PTGES2: variants seen among roughly 807,000 people sequenced by gnomAD.
The protein encoded by PTGES2 is GATE-binding factor 1.
A neutral mutation model predicts 44.5 loss-of-function variants in PTGES2; 35 were observed. That is an observed-to-expected ratio of 0.79 (90% CI 0.60 to 1.04). The LOEUF (loss-of-function observed/expected upper bound fraction) is 1.04, where lower values mean the gene tolerates loss of function less well. Among genes scored for constraint, PTGES2 ranks in the 50% least tolerant of loss-of-function variants. The pLI, the probability that PTGES2 is intolerant of heterozygous loss-of-function variation, is 0.00. For missense variants in PTGES2, 517 were observed against 521.4 expected (o/e 0.99, Z 0.08); for synonymous variants, 221 against 227.5 (o/e 0.97, Z 0.26).
intron 6 of PTGES2, among the ~76,000 whole-genome samples, 169 bp from the exon 7 acceptor site, chr9:128,121,442 G>T (rs138457444): frequency 6.6e-6 from 1 of 152,292 alleles, no homozygotes; most frequent in East Asian, 1.9e-4. Flanking sequence ...ATGTGGGGTG[G>T]CTGCAGGTCT....
upstream of PTGES2, chr9:128,128,120 G>A (rs1363269807): frequency 2.7e-5 from 10 of 366,338 alleles, no homozygotes; most frequent in Non-Finnish European, 4.3e-5. Context: ...CAGTACAGGC[G>A]CCGCGACTTC....
Position 128,120,799 on chromosome 9 carries a change from T to C in PTGES2, c.*346A>G, listed in dbSNP as rs548360644. 1 of 252,742 alleles carries C rather than the reference T, an allele frequency of 4.0e-6. No homozygotes were observed. The highest frequency in any genetic ancestry group is 5.7e-5 in the Admixed American group (1 of 17,620). 15.7% of individuals were successfully genotyped at this position (252,742 alleles called of 1,614,324 possible). On this transcript the variant is annotated 3_prime_UTR_variant, in exon 7 of 7. Transcript: ENST00000338961. ...AGTGGGAACCAGGGGAACCCAGGGA[T>C]GGGATTCCACTGAAAACAAACCGTC...
chr9:128,123,720 C>T lies in PTGES2; in HGVS notation c.668G>A (p.Gly223Asp), dbSNP rs1834511272. 3 of 1,613,848 alleles carry T rather than the reference C, an allele frequency of 1.9e-6. No individual in the cohort carries two copies. Among genetic ancestry groups the T allele is most frequent in the Non-Finnish European group, 2.5e-6 (3 of 1,179,882 alleles). ...CACTCACGTCCTGGCCTCCTTCCCACCATACACTTGCTGGGCCTCCTTCTC... is the reference window on the plus strand; with the variant it reads ...CACTCACGTCCTGGCCTCCTTCCCATCATACACTTGCTGGGCCTCCTTCTC... ...LNEKEAQQVY[G>D]GKEARTEEMK... is the part of the protein sequence containing the mutation. The change falls in exon 4 of 7, where the codon GGT becomes GAT. Residue 223 changes from glycine to aspartate, a missense_variant. Transcript: ENST00000338961. The surrounding 1 kb of genome is among the most constrained non-coding windows in gnomAD (Gnocchi z 4.4).
chr9:128,122,078 G>A (rs965511658), intron 6 of PTGES2, among the ~76,000 whole-genome samples: 7 of 152,190 alleles, frequency 4.6e-5, no homozygotes, highest in African/African-American at 7.2e-5. Context: ...TGTTGATGGC[G>A]ACAGGTAGAG....
At chr9:128,128,394 GC>G (rs1220768018), upstream of PTGES2, 1 of 455,514 alleles carries the variant, frequency 2.2e-6, no homozygotes, top group African/African-American at 2.0e-5. Flanking sequence ...CCTAGCTGAA[GC>G]CCGGAGCCTC....
Position 128,125,396 on chromosome 9 carries a change from T to G in PTGES2, c.325A>C (p.Thr109Pro). Residue 109 changes from threonine (T) to proline (P), a missense_variant, in exon 2 of 7, where the codon ACG (threonine) becomes CCG (proline). Transcript: ENST00000338961. Reference sequence around the variant, plus strand: ...CGGACCTTGCTGCAGAAGGGACACGTCTTGTACTGGTACAGGGTCAGCTGC... The same window carrying G: ...CGGACCTTGCTGCAGAAGGGACACGGCTTGTACTGGTACAGGGTCAGCTGC... ...RLQLTLYQYKTCPFCSKVRAF... is the reference protein window; with the variant it reads ...RLQLTLYQYKPCPFCSKVRAF... 1 of 1,614,128 alleles carries G rather than the reference T, an allele frequency of 6.2e-7. No homozygotes were observed.
rs143666644 is a variant in PTGES2 at position 128,123,806 on chromosome 9, A to C, written c.582T>G (p.Ala194=). The C allele has an allele frequency of 5.6e-6, 9 of 1,614,092 alleles. No homozygotes were observed. Among genetic ancestry groups the C allele is most frequent in the Non-Finnish European group, 7.6e-6 (9 of 1,180,018 alleles). ...EIITYYPAMK[A]VNEQGKEVTE... ...TCACCTCCTTGCCCTGCTCGTTCAC[A>C]GCCTTCATGGCTGGGTAGTAGGTGA... Residue 194 remains alanine, a synonymous_variant, in exon 4 of 7, where the codon GCT becomes GCG. Transcript: ENST00000338961. The surrounding 1 kb of genome is among the most constrained non-coding windows in gnomAD (Gnocchi z 4.4).
chr9:128,125,373 G>C lies in PTGES2; in HGVS notation c.348C>G (p.Val116=). 1 of 1,614,172 alleles carries C rather than the reference G, an allele frequency of 6.2e-7. No homozygotes were observed. The highest frequency in any genetic ancestry group is 8.5e-7 in the Non-Finnish European group (1 of 1,180,022). The change falls in exon 2 of 7, where the codon GTC becomes GTG. Residue 116 remains valine (V), a synonymous_variant. Coordinates refer to ENST00000338961, the MANE Select transcript of PTGES2 (RefSeq NM_025072.7). ...QYKTCPFCSK[V]RAFLDFHALP... ...GGGCATGGAAGTCGAGGAAGGCTCG[G>C]ACCTTGCTGCAGAAGGGACACGTCT...
rs1024248827 is a variant in PTGES2, at chr9:128,127,547, C to T, written c.171G>A (p.Arg57=). 3.6e-5 allele frequency: 47 copies of T among 1,290,246 alleles called. No individual in the cohort carries two copies. Among genetic ancestry groups the T allele is most frequent in the Non-Finnish European group, 4.1e-5 (42 of 1,019,300 alleles). The allele number at this position is 1,290,246 out of a possible 1,614,324, so 79.9% of individuals were successfully genotyped here. The part of the protein sequence containing the change: ...PVAAARKGSP[R]LLGAAALALG... ...GGGCCAGCGCCGCAGCTCCCAGCAGCCGCGGGCTCCCCTTACGAGCTGCAG... is the reference window on the plus strand; with the variant it reads ...GGGCCAGCGCCGCAGCTCCCAGCAGTCGCGGGCTCCCCTTACGAGCTGCAG... Residue 57 remains arginine (R), a synonymous_variant, in exon 1 of 7, where the codon CGG becomes CGA. Coordinates refer to ENST00000338961, the MANE Select transcript of PTGES2 (RefSeq NM_025072.7).
In PTGES2 at chr9:128,123,060, G is replaced by C. The variant is rs750304994; in HGVS notation, c.761C>G (p.Pro254Arg). 6.2e-7 allele frequency: 1 copy of C among 1,613,398 alleles called. No homozygotes were observed. The highest frequency in any genetic ancestry group is 8.5e-7 in the Non-Finnish European group (1 of 1,180,028). The change falls in exon 5 of 7, where the codon CCC becomes CGC. Residue 254 changes from proline (P) to arginine (R), a missense_variant. Transcript: ENST00000338961. This position sits in a 1 kb window ranked among gnomAD's most constrained non-coding sequence, Gnocchi z 4.4. Reference protein sequence around the residue: ...HLISPNVYRTPTEALASFDYI... With the variant: ...HLISPNVYRTRTEALASFDYI... Reference sequence around the variant, plus strand: ...GTCAAAGGACGCCAGAGCCTCGGTGGGCGTGCGGTACACATTGGGGGAGAT... The same window carrying C: ...GTCAAAGGACGCCAGAGCCTCGGTGCGCGTGCGGTACACATTGGGGGAGAT...
Position 128,123,255 on chromosome 9 carries a change from T to TA in PTGES2, c.687-122_687-121insT, listed in dbSNP as rs1834494260. 1.1e-6 allele frequency: 1 copy of TA among 898,056 alleles called. No individual in the cohort carries two copies. The highest frequency in any genetic ancestry group is 1.7e-5 in the African/African-American group (1 of 59,376). 55.6% of individuals were successfully genotyped at this position (898,056 alleles called of 1,614,324 possible). Reference sequence around the variant, plus strand: ...TGAAGCCTGAGCAGGAAGGTCTTTTTTTTTTTTTTGAGACAAAGTCTCGCT... The same window carrying TA: ...TGAAGCCTGAGCAGGAAGGTCTTTTTATTTTTTTTTGAGACAAAGTCTCGCT... On this transcript the variant is annotated intron_variant, in intron 4 of 6. Transcript: ENST00000338961. This position sits in a 1 kb window ranked among gnomAD's most constrained non-coding sequence, Gnocchi z 4.4.
At chr9:128,122,255 G>T in intron 6 of PTGES2, 107 bp downstream of exon 6, 1 of 848,412 alleles carries the variant, frequency 1.2e-6, no homozygotes, top group South Asian at 1.6e-5. Context: ...AGAGAGGCAG[G>T]TTCCTCTGGC....
intron 6 of PTGES2, among the ~76,000 whole-genome samples, chr9:128,121,593 G>C (rs1588067724): frequency 6.6e-6 from 1 of 152,136 alleles, no homozygotes; most frequent in East Asian, 1.9e-4. Context: ...CAAGACCCAG[G>C]TCACCCAGGG....
intron 1 of PTGES2, among the ~76,000 whole-genome samples, chr9:128,126,495 T>C (rs572019100): frequency 8.6e-4 from 131 of 152,264 alleles, no homozygotes; most frequent in Admixed American, 3.5e-3. Flanking sequence ...GAGAGGATGA[T>C]GAACGTTTGG....
In PTGES2 at chr9:128,127,544, C is replaced by A. The variant is rs1310946861; in HGVS notation, c.174G>T (p.Leu58=). 1.5e-6 allele frequency: 2 copies of A among 1,290,458 alleles called. No individual in the cohort carries two copies. The highest frequency in any genetic ancestry group is 4.0e-5 in the Admixed American group (1 of 24,720). The allele number at this position is 1,290,458 out of a possible 1,614,324, so 79.9% of individuals were successfully genotyped here. The change falls in exon 1 of 7, where the codon CTG becomes CTT. Residue 58 remains leucine, a synonymous_variant. Transcript: ENST00000338961. Reference sequence around the variant, plus strand: ...CCAGGGCCAGCGCCGCAGCTCCCAGCAGCCGCGGGCTCCCCTTACGAGCTG... The same window carrying A: ...CCAGGGCCAGCGCCGCAGCTCCCAGAAGCCGCGGGCTCCCCTTACGAGCTG... ...VAAARKGSPR[L]LGAAALALGG...
Position 128,124,417 on chromosome 9 carries a change from A to G in PTGES2, c.536+75T>C. On this transcript the variant is annotated intron_variant, in intron 3 of 6. Coordinates refer to ENST00000338961, the MANE Select transcript of PTGES2 (RefSeq NM_025072.7). ...AGCAGCAGCTCCACGTGCTCCCAGGAGGGAACTCAGGGGAGGCCTCCCTGG... is the reference window on the plus strand; with the variant it reads ...AGCAGCAGCTCCACGTGCTCCCAGGGGGGAACTCAGGGGAGGCCTCCCTGG... 2.3e-6 allele frequency: 3 copies of G among 1,325,022 alleles called. No individual in the cohort carries two copies. In the South Asian group the frequency reaches 3.6e-5, roughly 16 times the overall value. 82.1% of individuals were successfully genotyped at this position (1,325,022 alleles called of 1,614,324 possible). A position where few individuals can be genotyped will look rare whatever the true frequency, so the allele number is the denominator to read the frequency against.
intron 5 of PTGES2, 47 bp from the exon 6 acceptor site, chr9:128,122,526 C>A: frequency 6.5e-7 from 1 of 1,532,962 alleles, no homozygotes; most frequent in East Asian, 2.2e-5. Context: ...CCACTCCCAG[C>A]CCAGCAGGGA....
chr9:128,128,180 G>T (rs1427474814), upstream of PTGES2: 2 of 206,396 alleles, frequency 9.7e-6, no homozygotes, highest in Non-Finnish European at 1.9e-5. Flanking sequence ...AGGTGTTGCG[G>T]TTCTCTCTGC....
intron 2 of PTGES2, 33 bp downstream of exon 2, chr9:128,125,211 G>A (rs1317233664): frequency 1.6e-5 from 24 of 1,544,446 alleles, no homozygotes; most frequent in Admixed American, 2.0e-5. Context: ...CCCAGGAAAG[G>A]AGGAAGGATG....
Sources: gnomAD v4.1 joint callset for allele counts (sites outside exome capture counted in the v4.1 genomes callset) on GRCh38, gnomAD v4.1.1 for gene constraint, Gnocchi (gnomAD v3.1) non-coding constraint, MANE v1.5 for transcripts, NCBI Gene and HGNC (gene_info 2026-07-23, HGNC 2026-07-21) for gene names.